The following CFAP54 variants were observed in gnomAD, a reference collection of about 807,000 sequenced individuals.
CFAP54 encodes cilia- and flagella-associated protein 54.
A neutral mutation model predicts 370.4 loss-of-function variants in CFAP54; 290 were observed. The observed-to-expected ratio is 0.78, with a 90% confidence interval of 0.71 to 0.86. The LOEUF is 0.86. Among genes scored for constraint, CFAP54 ranks in the 40% least tolerant of loss-of-function variants. CFAP54 has a pLI of 0.00. For synonymous variants in CFAP54, 1,206 were observed against 1,236.5 expected, an observed-to-expected ratio of 0.98 and a Z score of 0.52; for missense variants, 3,399 against 3,528.7, an observed-to-expected ratio of 0.96 and a Z score of 0.93.
At chr12:96,839,208 ATC>A (rs1959196794) in intron 66 of CFAP54, among the ~76,000 whole-genome samples, 1 of 152,244 alleles carries the variant, frequency 6.6e-6, no homozygotes, top group East Asian at 1.9e-4. Context: ...CAATGCTTTG[ATC>A]TCTCTGTTTG....
At chr12:96,732,147 A>G (rs527415127) in intron 50 of CFAP54, among the ~76,000 whole-genome samples, 6 of 152,174 alleles carry the variant, frequency 3.9e-5, no homozygotes, top group Admixed American at 2.6e-4. Flanking sequence ...GTGTTTTCAG[A>G]CAGAGTCTTG....
At chr12:96,552,114 C>T (rs899853940) in intron 15 of CFAP54, among the ~76,000 whole-genome samples, 2 of 151,732 alleles carry the variant, frequency 1.3e-5, no homozygotes, top group South Asian at 2.1e-4. Flanking sequence ...GGCATGGTGG[C>T]GCATGCCTGT....
chr12:96,664,622 ATGTGTGTGTGTG>A (rs55839375), intron 39 of CFAP54, among the ~76,000 whole-genome samples: 202 of 115,236 alleles, frequency 1.8e-3, no homozygotes, highest in Admixed American at 5.1e-3. Flanking sequence ...CCAAGAACGT[ATGTGTGTGTGTG>A]TGTGTGTGTG....
Position 96,594,362 on chromosome 12 carries a change from C to A in CFAP54, c.3432C>A (p.Ser1144Arg), listed in dbSNP as rs768679983. Residue 1144 changes from serine (S) to arginine (R), a missense_variant, in exon 25 of 68, where the codon AGC becomes AGA. Around this residue, in one of 3 missense-constraint regions of CFAP54, gnomAD observed 2,796 missense variants for 2,869.7 expected, o/e 0.97. Coordinates refer to ENST00000524981, the MANE Select transcript of CFAP54 (RefSeq NM_001306084.2). ...TTAGCAACTTCCTAAATGATTCCAG[C>A]TATGCCCTTCAAGCTGTGACTCAAT... is the stretch of plus-strand genomic sequence containing the variant. ...LELSNFLNDS[S>R]YALQAVTQCY... 1.4e-4 allele frequency: 220 copies of A among 1,534,066 alleles called. No individual in the cohort carries two copies. The highest frequency in any genetic ancestry group is 1.9e-4 in the Non-Finnish European group (215 of 1,145,318).
rs916336311 is a variant in CFAP54, at chr12:96,533,816, T to A, written c.1382T>A (p.Met461Lys). Residue 461 changes from methionine (M) to lysine (K), a missense_variant, in exon 10 of 68, where the codon ATG becomes AAG. Met to Lys is a moderately conservative substitution (Grantham distance 95). This residue lies in a region of CFAP54 where 559 missense variants were observed against 576.7 expected (regional missense o/e 0.97). Transcript: ENST00000524981. ...GTGTCAAATATTGGTGCAGATGGAA[T>A]GCTTGATTTTCCAAAAACATCTCTT... ...LIMSNIGADG[M>K]LDFPKTSLLE... The A allele has an allele frequency of 1.3e-5, 20 of 1,527,964 alleles. No homozygotes were observed. Among genetic ancestry groups the A allele is most frequent in the Middle Eastern group, 1.7e-4 (1 of 5,964 alleles). The allele number at this position is 1,527,964 out of a possible 1,614,324, so 94.7% of individuals were successfully genotyped here. A position where few individuals can be genotyped will look rare whatever the true frequency, so the allele number is the denominator to read the frequency against.
chr12:96,614,696 CA>C (rs1320661560), intron 26 of CFAP54, among the ~76,000 whole-genome samples: 3 of 152,184 alleles, frequency 2.0e-5, no homozygotes, highest in Non-Finnish European at 2.9e-5. Context: ...GTGCAAAAAT[CA>C]CAAGTATTCT....
intron 9 of CFAP54, among the ~76,000 whole-genome samples, chr12:96,531,287 C>T (rs1955438384): frequency 6.6e-6 from 1 of 151,932 alleles, no homozygotes; most frequent in South Asian, 2.1e-4. Flanking sequence ...TATAGTGTTT[C>T]TGTTGAGAAG....
chr12:96,732,936 C>T (rs1243216956), intron 50 of CFAP54, among the ~76,000 whole-genome samples: 2 of 152,078 alleles, frequency 1.3e-5, no homozygotes, highest in African/African-American at 4.8e-5. Flanking sequence ...CATTCTTTCC[C>T]CAGCTCTCTG....
chr12:96,874,791 G>T (rs963120575), intron 67 of CFAP54, among the ~76,000 whole-genome samples: 4 of 151,530 alleles, frequency 2.6e-5, no homozygotes, highest in African/African-American at 4.8e-5. Context: ...CACTACGCCC[G>T]GCTAACTTTT....
chr12:96,611,354 CAG>C (rs1438450922), intron 26 of CFAP54, among the ~76,000 whole-genome samples: 1 of 151,656 alleles, frequency 6.6e-6, no homozygotes, highest in Non-Finnish European at 1.5e-5. Context: ...AACTAACAAA[CAG>C]AAAGGACATC....
intron 64 of CFAP54, among the ~76,000 whole-genome samples, chr12:96,814,881 G>T (rs1958960419): frequency 6.6e-6 from 1 of 152,144 alleles, no homozygotes; most frequent in African/African-American, 2.4e-5. Context: ...CAGAGGACAT[G>T]AACTCACTCT....
In CFAP54 at chr12:96,743,473, G is replaced by C; in HGVS notation, c.7291G>C (p.Glu2431Gln). ...CMEAKSAGDT[E>Q]LQAEFLTQAV... ...GGAGGCAAAAAGCGCAGGGGACACG[G>C]AACTGCAGGCTGAATTCTTGACGCA... The change falls in exon 53 of 68, where the codon GAA becomes CAA. Residue 2431 changes from glutamate (E) to glutamine (Q), a missense_variant. Glu to Gln is a conservative substitution (Grantham distance 29, BLOSUM62 2). This residue lies in a region of CFAP54 where 2,796 missense variants were observed against 2,869.7 expected (regional missense o/e 0.97). Transcript: ENST00000524981. 6.2e-7 allele frequency: 1 copy of C among 1,613,982 alleles called. No individual in the cohort carries two copies. The highest frequency in any genetic ancestry group is 8.5e-7 in the Non-Finnish European group (1 of 1,179,892).
At chr12:96,654,518 T>G (rs2136508137) in intron 36 of CFAP54, among the ~76,000 whole-genome samples, 3 of 151,344 alleles carry the variant, frequency 2.0e-5, no homozygotes, top group Middle Eastern at 3.4e-3. Context: ...AAAAAAAAAT[T>G]TATGGGGTAC....
At position 96,592,545 on chromosome 12, in the gene CFAP54, A is replaced by G; in HGVS notation, c.3268A>G (p.Arg1090Gly). The G allele has an allele frequency of 9.1e-7, 1 of 1,103,572 alleles. No homozygotes were observed. The highest frequency in any genetic ancestry group is 1.3e-6 in the Non-Finnish European group (1 of 791,796). 68.4% of individuals were successfully genotyped at this position (1,103,572 alleles called of 1,614,324 possible). The change falls in exon 24 of 68, where the codon AGA becomes GGA. Residue 1090 changes from arginine to glycine, a missense_variant. Arg to Gly is a moderately radical substitution (Grantham distance 125). This residue lies in a region of CFAP54 where 2,796 missense variants were observed against 2,869.7 expected (regional missense o/e 0.97). Transcript: ENST00000524981. ...TSSILLYLFL[R>G]NIFVTSDIKI... Reference sequence around the variant, plus strand: ...TTCAATCCTCTTGTACCTTTTTCTTAGAAATATTTTTGTAACAAGTGACAT... The same window carrying G: ...TTCAATCCTCTTGTACCTTTTTCTTGGAAATATTTTTGTAACAAGTGACAT...
At chr12:96,543,911 C>A (rs1411509308) in intron 14 of CFAP54, among the ~76,000 whole-genome samples, 1 of 152,160 alleles carries the variant, frequency 6.6e-6, no homozygotes, top group Non-Finnish European at 1.5e-5. Context: ...CAGCTTCTCT[C>A]TCCAGAATTG....
intron 60 of CFAP54, among the ~76,000 whole-genome samples, chr12:96,779,474 A>G (rs144199435): frequency 1.3e-5 from 2 of 152,128 alleles, no homozygotes; most frequent in Non-Finnish European, 2.9e-5. Flanking sequence ...TGTATGTGAC[A>G]TTTTTGTGCA....
chr12:96,687,210 T>C (rs1323072815), intron 42 of CFAP54, among the ~76,000 whole-genome samples: 2 of 152,174 alleles, frequency 1.3e-5, no homozygotes, highest in Non-Finnish European at 2.9e-5. Context: ...ATCGTGACGA[T>C]CCAGGATAAT....
chr12:96,536,845 C>T (rs991441603), intron 12 of CFAP54, among the ~76,000 whole-genome samples: 6 of 151,940 alleles, frequency 3.9e-5, no homozygotes, highest in Admixed American at 6.6e-5. Context: ...AGGCTGGTCT[C>T]GAAATCCTGA....
chr12:96,643,425 A>G (rs1956755989), intron 32 of CFAP54, among the ~76,000 whole-genome samples: 1 of 152,010 alleles, frequency 6.6e-6, no homozygotes, highest in Non-Finnish European at 1.5e-5. Context: ...GTGTTGGTTT[A>G]GATTCTGAAC....
Sources: allele counts gnomAD v4.1 joint callset (sites outside exome capture counted in the v4.1 genomes callset), GRCh38; gene constraint gnomAD v4.1.1; regional missense constraint gnomAD v4.1.1; transcripts MANE v1.5; gene names NCBI Gene and HGNC (gene_info 2026-07-23, HGNC 2026-07-21).